Variants in ERMN observed in about 807,000 individuals in gnomAD.
The protein encoded by ERMN is ermin.
In ERMN, 17 loss-of-function variants were observed where a neutral mutation model predicts 21.4. The observed-to-expected ratio is 0.80, with a 90% CI of 0.54 to 1.19. ERMN has a LOEUF of 1.19. ERMN is among the 50% of genes most tolerant of loss of function. The pLI is 0.00. For missense variants in ERMN, 348 were observed against 331.6 expected (o/e 1.05, Z -0.38); for synonymous variants, 115 against 111.9 (o/e 1.03, Z -0.17).
rs1683865458 is a variant in ERMN at position 157,320,729 on chromosome 2, T to C, written c.*542A>G. 6.5e-6 allele frequency: 1 copy of C among 153,272 alleles called. No homozygotes were observed. Among genetic ancestry groups the C allele is most frequent in the African/African-American group, 2.4e-5 (1 of 41,456 alleles). 9.5% of individuals were successfully genotyped at this position (153,272 alleles called of 1,614,324 possible). A position where few individuals can be genotyped will look rare whatever the true frequency, so the allele number is the denominator to read the frequency against. On this transcript the variant is annotated 3_prime_UTR_variant, in exon 3 of 3. Coordinates refer to ENST00000410096, the MANE Select transcript of ERMN (RefSeq NM_020711.3). ...GGAGGGCTATAGAATGTTTTCTCTGTAGATGCCAAGGAAAGCCACTTAACA... is the reference window on the plus strand; with the variant it reads ...GGAGGGCTATAGAATGTTTTCTCTGCAGATGCCAAGGAAAGCCACTTAACA...
chr2:157,324,155 C>G (rs999746521), intron 2 of ERMN: 2 of 255,828 alleles, frequency 7.8e-6, no homozygotes, highest in South Asian at 3.5e-5. Context: ...GCCTGTAATC[C>G]CAGTTACTCA....
upstream of ERMN, among the ~76,000 whole-genome samples, chr2:157,326,241 T>G (rs1352715059): frequency 2.0e-5 from 3 of 152,162 alleles, no homozygotes; most frequent in African/African-American, 7.2e-5. Context: ...TATTAAAAAA[T>G]AAAACAGCTT....
chr2:157,326,843 C>T (rs974400037), upstream of ERMN, among the ~76,000 whole-genome samples: 2 of 152,108 alleles, frequency 1.3e-5, no homozygotes, highest in Admixed American at 6.6e-5. Context: ...GGACAGGACT[C>T]TGTTACACAT....
rs1469253520 is a variant in ERMN, at chr2:157,321,297, C to A, written c.829G>T (p.Glu277Ter). 7.4e-6 allele frequency: 12 copies of A among 1,613,646 alleles called. No homozygotes were observed. The highest frequency in any genetic ancestry group is 1.1e-5 in the South Asian group (1 of 91,030). ...RKGNTKQRID[E>*]FESMMHL The stretch of plus-strand genomic sequence containing the variant: ...TATAAATGCATCATAGACTCGAATT[C>A]ATCAATTCTTTGCTTGGTATTTCCC... The change falls in exon 3 of 3, where the codon GAA (glutamate) becomes TAA (stop). Residue 277 changes from glutamate (E) to a stop codon, truncating the protein, a stop_gained. Coordinates refer to ENST00000410096, the MANE Select transcript of ERMN (RefSeq NM_020711.3). LOFTEE classifies it high-confidence loss of function.
chr2:157,327,554 G>T, upstream of ERMN: 1 of 751,896 alleles, frequency 1.3e-6, no homozygotes, highest in Non-Finnish European at 2.5e-6. Flanking sequence ...AGAGATTAAG[G>T]AGTTCAGCTA....
chr2:157,322,278 A>C (rs1466120629), intron 2 of ERMN, among the ~76,000 whole-genome samples: 1 of 151,796 alleles, frequency 6.6e-6, no homozygotes, highest in Non-Finnish European at 1.5e-5. Flanking sequence ...ACACACCTCA[A>C]GGAAAATTAG....
In ERMN at chr2:157,319,447, T is replaced by A. The variant is rs1212537749; in HGVS notation, c.*1824A>T. On this transcript the variant is annotated 3_prime_UTR_variant, in exon 3 of 3. Coordinates refer to ENST00000410096, the MANE Select transcript of ERMN (RefSeq NM_020711.3). The stretch of plus-strand genomic sequence containing the variant: ...AATAACTCAAAATACAGGCTCTTGA[T>A]GGTAGGTTAAAAACATGGTCCTGTT... 1 of 152,138 alleles carries A rather than the reference T, an allele frequency of 6.6e-6. No individual in the cohort carries two copies. The highest frequency in any genetic ancestry group is 6.6e-5 in the Admixed American group (1 of 15,250). 9.4% of individuals were successfully genotyped at this position (152,138 alleles called of 1,614,324 possible).
At chr2:157,325,208 C>T in intron 1 of ERMN, 194 bp downstream of exon 1, 1 of 767,572 alleles carries the variant, frequency 1.3e-6, no homozygotes, top group Non-Finnish European at 2.3e-6. Flanking sequence ...AGAAAGTTGT[C>T]TGGGGTCACA....
In ERMN at chr2:157,325,572, TG is replaced by T; in HGVS notation, c.70del (p.Gln24LysfsTer10). The T allele has an allele frequency of 1.2e-6, 2 of 1,614,180 alleles. No homozygotes were observed. Among genetic ancestry groups the T allele is most frequent in the East Asian group, 2.2e-5 (1 of 44,880 alleles). On this transcript the variant is annotated frameshift_variant, in exon 1 of 3. Coordinates refer to ENST00000410096, the MANE Select transcript of ERMN (RefSeq NM_020711.3). LOFTEE classifies it high-confidence loss of function. ...TTCCTCACTGATTTTAGTGATTGTT[TG>T]TTGACCGTTTTCAGGTGGTTTATCC... Reference protein sequence around the residue: ...NGDKPPENGQQTITKISEELT... With the variant: ...NGDKPPENGQXTITKISEELT...
chr2:157,319,885 A>G lies in ERMN; in HGVS notation c.*1386T>C, dbSNP rs1413547779. The G allele has an allele frequency of 6.6e-6, 1 of 152,212 alleles. No homozygotes were observed. The highest frequency in any genetic ancestry group is 2.4e-5 in the African/African-American group (1 of 41,470). The allele number at this position is 152,212 out of a possible 1,614,324, so 9.4% of individuals were successfully genotyped here. A position where few individuals can be genotyped will look rare whatever the true frequency, so the allele number is the denominator to read the frequency against. On this transcript the variant is annotated 3_prime_UTR_variant, in exon 3 of 3. Transcript: ENST00000410096. ...CATTAGAATATGTGGGATTTATGTT[A>G]CACATAAATAAGCAGTCATCTAAGA...
chr2:157,325,002 C>A, intron 1 of ERMN: 1 of 352,542 alleles, frequency 2.8e-6, no homozygotes, highest in Admixed American at 4.0e-5. Context: ...AGATATAGAA[C>A]CATAAATTCA....
Position 157,321,099 on chromosome 2 carries a change from C to A in ERMN, c.*172G>T. 1 of 974,978 alleles carries A rather than the reference C, an allele frequency of 1.0e-6. No homozygotes were observed. The highest frequency in any genetic ancestry group is 1.5e-6 in the Non-Finnish European group (1 of 686,990). 60.4% of individuals were successfully genotyped at this position (974,978 alleles called of 1,614,324 possible). A position where few individuals can be genotyped will look rare whatever the true frequency, so the allele number is the denominator to read the frequency against. On this transcript the variant is annotated 3_prime_UTR_variant, in exon 3 of 3. Transcript: ENST00000410096. ...TTAAAGCTTTTTGATTTGAGGTTATCAGACTGAATTTTTATCTAGGGTTAT... is the reference window on the plus strand; with the variant it reads ...TTAAAGCTTTTTGATTTGAGGTTATAAGACTGAATTTTTATCTAGGGTTAT...
chr2:157,327,660 C>T (rs949231278), upstream of ERMN: 5 of 582,462 alleles, frequency 8.6e-6, no homozygotes, highest in Admixed American at 8.8e-5. Context: ...TTTCCTTGGA[C>T]CAGAGATCCC....
At position 157,324,532 on chromosome 2, in the gene ERMN, G is replaced by T; in HGVS notation, c.334+138C>A. ...CAGATAAGTTAAGACTCTCTTATCT[G>T]CCTACAGCAGCTTTGAAAATTTGAA... On this transcript the variant is annotated intron_variant, in intron 2 of 2. Coordinates refer to ENST00000410096, the MANE Select transcript of ERMN (RefSeq NM_020711.3). The T allele has an allele frequency of 4.4e-6, 3 of 678,882 alleles. 1 individual carries two copies. Among genetic ancestry groups the T allele is most frequent in the Admixed American group, 5.1e-5 (2 of 39,212 alleles). 42.1% of individuals were successfully genotyped at this position (678,882 alleles called of 1,614,324 possible).
intron 2 of ERMN, among the ~76,000 whole-genome samples, chr2:157,323,137 G>C (rs912684206): frequency 6.6e-6 from 1 of 152,120 alleles, no homozygotes; most frequent in South Asian, 2.1e-4. Context: ...GATTCATTGA[G>C]GGAAAACTTA....
At chr2:157,324,422 C>T (rs546657277) in intron 2 of ERMN, among the ~76,000 whole-genome samples, 9 of 152,310 alleles carry the variant, frequency 5.9e-5, no homozygotes, top group African/African-American at 1.9e-4. Context: ...AAGAGATAGA[C>T]ATCACGTTGG....
upstream of ERMN, chr2:157,325,891 C>A (rs964809366): frequency 2.9e-6 from 4 of 1,390,696 alleles, no homozygotes; most frequent in African/African-American, 5.8e-5. Flanking sequence ...CCAATCACCA[C>A]CTTCTTTGTT....
At chr2:157,325,247 C>T in intron 1 of ERMN, 155 bp downstream of exon 1, 1 of 1,036,428 alleles carries the variant, frequency 9.6e-7, no homozygotes, top group Non-Finnish European at 1.5e-6. Context: ...CTGGATTTCA[C>T]CAGAGGCAGA....
In ERMN at chr2:157,321,794, G is replaced by A; in HGVS notation, c.335-3C>T. The A allele has an allele frequency of 6.3e-7, 1 of 1,596,388 alleles. No homozygotes were observed. The highest frequency in any genetic ancestry group is 1.3e-5 in the African/African-American group (1 of 74,368). On this transcript the variant is annotated splice_region_variant and splice_polypyrimidine_tract_variant and intron_variant, in intron 2 of 2. Transcript: ENST00000410096. ...AGGAATCTTCTCCCACTGATGCCCTGTAGCAAAATCAATTGGTAGATGAGA... is the reference window on the plus strand; with the variant it reads ...AGGAATCTTCTCCCACTGATGCCCTATAGCAAAATCAATTGGTAGATGAGA...
Sources: gnomAD v4.1 joint callset for allele counts (sites outside exome capture counted in the v4.1 genomes callset) on GRCh38, gnomAD v4.1.1 for gene constraint, MANE v1.5 for transcripts, NCBI Gene and HGNC (gene_info 2026-07-23, HGNC 2026-07-21) for gene names.